AXIN2: variants seen among roughly 807,000 people sequenced by gnomAD.
AXIN2 encodes axin-2.
A neutral mutation model predicts 74.7 loss-of-function variants in AXIN2; 21 were observed. The ratio of observed to expected loss-of-function variants is 0.28; its 90% CI spans 0.20 to 0.40. AXIN2 has a LOEUF of 0.40. Ranked by LOEUF, AXIN2 falls within the 10% of genes least tolerant of loss-of-function variation. The pLI is 1.00. For synonymous variants in AXIN2, 532 were observed against 454.9 expected (o/e 1.17, Z -2.16); for missense variants, 1,144 against 1,111.1 (o/e 1.03, Z -0.42).
At chr17:65,530,156 G>A (rs1372361071) in intron 10 of AXIN2, 54 bp from the exon 11 acceptor site, 2 of 1,608,858 alleles carry the variant, frequency 1.2e-6, no homozygotes, top group Non-Finnish European at 1.7e-6. Flanking sequence ...CCACATTGTT[G>A]AAAAGAAAAG....
chr17:65,559,221 A>G (rs2044324444), intron 1 of AXIN2, among the ~76,000 whole-genome samples: 1 of 152,058 alleles, frequency 6.6e-6, no homozygotes, highest in Non-Finnish European at 1.5e-5. Flanking sequence ...CCCTGCACAG[A>G]TAACTCGAGC....
intron 3 of AXIN2, among the ~76,000 whole-genome samples, chr17:65,543,436 A>G (rs560971044): frequency 6.4e-4 from 98 of 152,312 alleles, no homozygotes; most frequent in Non-Finnish European, 1.1e-3. Context: ...ACCAAATCGC[A>G]CCCAAGGCAA....
chr17:65,550,382 G>C (rs1434903223), intron 2 of AXIN2, among the ~76,000 whole-genome samples: 2 of 152,170 alleles, frequency 1.3e-5, no homozygotes, highest in Non-Finnish European at 2.9e-5. Flanking sequence ...GGAAGGCCCA[G>C]GCCCCTCCTC....
rs765336893 is a variant in AXIN2, at chr17:65,558,196, T to C, written c.425A>G (p.Asn142Ser). Residue 142 changes from asparagine (N) to serine (S), a missense_variant, in exon 2 of 11, where the codon AAC (asparagine) becomes AGC (serine). Transcript: ENST00000307078. ...KAIYKRYIEN[N>S]SIVSKQLKPA... ...CTTCAGCTGCTTGGAGACAATGCTG[T>C]TGTTCTCAATGTACCTTTTGTAGAT... is the stretch of plus-strand genomic sequence containing the variant. The C allele has an allele frequency of 4.3e-6, 7 of 1,614,056 alleles. No individual in the cohort carries two copies. Among genetic ancestry groups the C allele is most frequent in the Admixed American group, 1.7e-5 (1 of 60,000 alleles).
intron 2 of AXIN2, among the ~76,000 whole-genome samples, chr17:65,551,146 G>A (rs1186552659): frequency 5.3e-5 from 8 of 152,134 alleles, no homozygotes; most frequent in Admixed American, 4.6e-4. Context: ...CCCAGATGAC[G>A]GATAGAACAT....
Position 65,558,505 on chromosome 17 carries a change from C to T in AXIN2, c.116G>A (p.Gly39Glu), listed in dbSNP as rs2044310205. The change falls in exon 2 of 11, where the codon GGG (glycine) becomes GAG (glutamate). Residue 39 changes from glycine (G) to glutamate (E), a missense_variant. Coordinates refer to ENST00000307078, the MANE Select transcript of AXIN2 (RefSeq NM_004655.4). ...TTTGGTGACCTGGCCCTTGCCCACC[C>T]CTGGCTGACACGGTGGGGTCTCCCC... is the stretch of plus-strand genomic sequence containing the variant. ...EEGETPPCQPGVGKGQVTKPM... is the reference protein window; with the variant it reads ...EEGETPPCQPEVGKGQVTKPM... 1 of 1,613,210 alleles carries T rather than the reference C, an allele frequency of 6.2e-7. No homozygotes were observed. Among genetic ancestry groups the T allele is most frequent in the South Asian group, 1.1e-5 (1 of 91,020 alleles).
At chr17:65,557,685 C>A (rs1280028998) in intron 2 of AXIN2, 121 bp downstream of exon 2, 3 of 1,019,390 alleles carry the variant, frequency 2.9e-6, no homozygotes, top group African/African-American at 1.6e-5. Context: ...GGGTTCATGG[C>A]CAGCAGTCCT....
intron 3 of AXIN2, among the ~76,000 whole-genome samples, chr17:65,548,469 C>T (rs548712330): frequency 6.6e-6 from 1 of 152,292 alleles, no homozygotes; most frequent in East Asian, 1.9e-4. Flanking sequence ...AGAACTTACA[C>T]GGTTCAATGG....
At chr17:65,551,224 G>A (rs966198352) in intron 2 of AXIN2, among the ~76,000 whole-genome samples, 4 of 151,998 alleles carry the variant, frequency 2.6e-5, no homozygotes, top group South Asian at 2.1e-4. Context: ...TGGGACTAAC[G>A]GGACTCCCTG....
rs200699935 is a variant in AXIN2 at position 65,558,237 on chromosome 17, T to C, written c.384A>G (p.Leu128=). The C allele has an allele frequency of 4.3e-6, 7 of 1,614,100 alleles. No homozygotes were observed. Among genetic ancestry groups the C allele is most frequent in the African/African-American group, 1.3e-5 (1 of 75,004 alleles). Residue 128 remains leucine, a synonymous_variant, in exon 2 of 11, where the codon TTA becomes TTG. Transcript: ENST00000307078. ...RQMNLKDTKT[L]RVAKAIYKRY... ...TTTTGTAGATCGCTTTGGCTACTCG[T>C]AAAGTTTTGGTATCCTTCAGGTTCA...
Position 65,549,648 on chromosome 17 carries a change from C to T in AXIN2, c.828G>A (p.Arg276=), listed in dbSNP as rs730881404. ...TGTGATAAGGATTAACAGGATCGCT[C>T]CTCTTGAAGGACCTATGGGCAAAGT... The part of the protein sequence containing the change: ...TVDSGYRSFK[R]SDPVNPYHIG... Residue 276 remains arginine, a synonymous_variant, in exon 3 of 11, where the codon AGG becomes AGA. Coordinates refer to ENST00000307078, the MANE Select transcript of AXIN2 (RefSeq NM_004655.4). 6.1e-5 allele frequency: 98 copies of T among 1,600,390 alleles called. No homozygotes were observed. The highest frequency in any genetic ancestry group is 8.3e-5 in the Non-Finnish European group (97 of 1,172,964).
chr17:65,556,910 C>A (rs1022884254), intron 2 of AXIN2, among the ~76,000 whole-genome samples: 1 of 152,186 alleles, frequency 6.6e-6, no homozygotes, highest in Admixed American at 6.5e-5. Context: ...GGCTCATTCT[C>A]TTTTCGGATA....
intron 3 of AXIN2, among the ~76,000 whole-genome samples, chr17:65,545,644 G>A (rs559098185): frequency 6.6e-6 from 1 of 152,244 alleles, no homozygotes; most frequent in East Asian, 1.9e-4. Context: ...AACAGAGTGA[G>A]ACTCTGTCTC....
At chr17:65,545,973 T>G (rs972500082) in intron 3 of AXIN2, among the ~76,000 whole-genome samples, 1 of 152,056 alleles carries the variant, frequency 6.6e-6, no homozygotes, top group Non-Finnish European at 1.5e-5. Context: ...AGACGATTGC[T>G]TTCCTGGGTT....
Position 65,538,304 on chromosome 17 carries a change from G to C in AXIN2, c.1099C>G (p.Pro367Ala). ...RLPKEMTPVE[P>A]ATFAAELISR... ...ATCAGCTCAGCTGCAAAGGTGGCGGGTTCCACGGGGGTCATCTCCTTGGGC... is the reference window on the plus strand; with the variant it reads ...ATCAGCTCAGCTGCAAAGGTGGCGGCTTCCACGGGGGTCATCTCCTTGGGC... Residue 367 changes from proline to alanine, a missense_variant, in exon 5 of 11, where the codon CCC (proline) becomes GCC (alanine). Physicochemically the swap from Pro to Ala is conservative, Grantham distance 27. Transcript: ENST00000307078. 6.2e-7 allele frequency: 1 copy of C among 1,614,224 alleles called. No homozygotes were observed. Among genetic ancestry groups the C allele is most frequent in the Non-Finnish European group, 8.5e-7 (1 of 1,180,040 alleles).
intron 10 of AXIN2, among the ~76,000 whole-genome samples, chr17:65,530,569 G>A (rs761559805): frequency 3.3e-5 from 5 of 152,170 alleles, no homozygotes; most frequent in Admixed American, 6.5e-5. Context: ...CTGGAGAGCC[G>A]GAACCTGCCG....
At chr17:65,530,906 G>A (rs2043804657) in intron 10 of AXIN2, among the ~76,000 whole-genome samples, 1 of 152,220 alleles carries the variant, frequency 6.6e-6, no homozygotes, top group Non-Finnish European at 1.5e-5. Context: ...TTGTACAGAT[G>A]CAAATGCCTG....
intron 2 of AXIN2, among the ~76,000 whole-genome samples, chr17:65,556,147 T>C (rs1015138460): frequency 6.6e-6 from 1 of 151,044 alleles, no homozygotes. Flanking sequence ...AAGGGGAGGG[T>C]TCACAGCAGA....
intron 3 of AXIN2, among the ~76,000 whole-genome samples, chr17:65,543,132 G>A (rs1029134476): frequency 1.3e-5 from 2 of 152,204 alleles, no homozygotes; most frequent in East Asian, 3.8e-4. Flanking sequence ...GAGGTGAGTA[G>A]GGAAGGGAGA....
Sources: gnomAD v4.1 joint callset for allele counts (sites outside exome capture counted in the v4.1 genomes callset) on GRCh38, gnomAD v4.1.1 for gene constraint, MANE v1.5 for transcripts, NCBI Gene and HGNC (gene_info 2026-07-23, HGNC 2026-07-21) for gene names.